Variants in KCNJ3 observed in about 807,000 individuals in gnomAD.
KCNJ3 encodes G protein-activated inward rectifier potassium channel 1.
Under a neutral mutation model 39.2 loss-of-function variants are expected in KCNJ3, and 4 were observed. The observed-to-expected ratio is 0.10, with a 90% CI of 0.05 to 0.23. KCNJ3 has a LOEUF of 0.23. Ranked by LOEUF, KCNJ3 falls within the 10% of genes least tolerant of loss-of-function variation. KCNJ3 has a pLI of 1.00. For synonymous variants in KCNJ3, 230 were observed against 237.4 expected (o/e 0.97, Z 0.29); for missense variants, 276 against 634.9 (o/e 0.43, Z 6.08).
At chr2:154,712,928 G>T (rs1050963426) in intron 2 of KCNJ3, among the ~76,000 whole-genome samples, 2 of 152,084 alleles carry the variant, frequency 1.3e-5, no homozygotes, top group Non-Finnish European at 2.9e-5. Context: ...GGTCCAGTCT[G>T]GGGGAAGAGC....
At chr2:154,719,636 C>T (rs1416962979) in intron 2 of KCNJ3, among the ~76,000 whole-genome samples, 1 of 152,056 alleles carries the variant, frequency 6.6e-6, no homozygotes, top group African/African-American at 2.4e-5. Flanking sequence ...ACACCATGTG[C>T]TATTATTTAC....
At chr2:154,836,050 A>G (rs1293882460) in intron 2 of KCNJ3, among the ~76,000 whole-genome samples, 1 of 152,022 alleles carries the variant, frequency 6.6e-6, no homozygotes, top group Non-Finnish European at 1.5e-5. Flanking sequence ...GTCTTACTAA[A>G]AATACAAAAA....
At chr2:154,793,584 A>G (rs951095761) in intron 2 of KCNJ3, among the ~76,000 whole-genome samples, 1 of 152,040 alleles carries the variant, frequency 6.6e-6, no homozygotes, top group Non-Finnish European at 1.5e-5. Context: ...AATATTCCTT[A>G]TCAAATTAAA....
chr2:154,788,532 T>G (rs973183064), intron 2 of KCNJ3, among the ~76,000 whole-genome samples: 2 of 152,150 alleles, frequency 1.3e-5, no homozygotes, highest in Non-Finnish European at 2.9e-5. Flanking sequence ...CTTATCATTT[T>G]TTCTCATATT....
chr2:154,780,268 C>T (rs1686413865), intron 2 of KCNJ3, among the ~76,000 whole-genome samples: 1 of 152,168 alleles, frequency 6.6e-6, no homozygotes, highest in African/African-American at 2.4e-5. Flanking sequence ...TGTGTACATG[C>T]ACACTCTCGC....
intron 1 of KCNJ3, chr2:154,709,316 G>A (rs930272707): frequency 2.3e-6 from 1 of 440,986 alleles, no homozygotes. Flanking sequence ...CAGTTCCACA[G>A]TTTGTGCTAA....
chr2:154,855,257 A>G lies in KCNJ3; in HGVS notation c.1450A>G (p.Met484Val), dbSNP rs765512735. 2 of 1,613,574 alleles carry G rather than the reference A, an allele frequency of 1.2e-6. No homozygotes were observed. Among genetic ancestry groups the G allele is most frequent in the Non-Finnish European group, 1.7e-6 (2 of 1,179,864 alleles). The part of the protein sequence containing the change: ...LQKMAGGAAR[M>V]EGNLPAKLRK... ...AAAGATGGCTGGAGGAGCAGCTAGG[A>G]TGGAAGGGAACCTTCCAGCCAAATT... The change falls in exon 3 of 3, where the codon ATG becomes GTG. Residue 484 changes from methionine (M) to valine (V), a missense_variant. By Grantham distance (21) the Met-to-Val change is conservative. Transcript: ENST00000295101.
intron 2 of KCNJ3, among the ~76,000 whole-genome samples, chr2:154,720,075 A>T (rs1458221855): frequency 6.6e-6 from 1 of 152,108 alleles, no homozygotes; most frequent in Non-Finnish European, 1.5e-5. Context: ...ATACATGTTC[A>T]ATGAGATAAA....
intron 2 of KCNJ3, among the ~76,000 whole-genome samples, chr2:154,824,957 G>C (rs1687243643): frequency 6.6e-6 from 1 of 152,168 alleles, no homozygotes; most frequent in African/African-American, 2.4e-5. Flanking sequence ...AATATTATGT[G>C]GATGATTTGG....
chr2:154,770,892 C>CTTTTTTTTTTTTT (rs35293315), intron 2 of KCNJ3, among the ~76,000 whole-genome samples: 3 of 127,684 alleles, frequency 2.3e-5, no homozygotes, highest in African/African-American at 5.8e-5. Context: ...TTTTCTTTTT[C>CTTTTTTTTTTTTT]TTTTTTTTTT....
intron 2 of KCNJ3, among the ~76,000 whole-genome samples, chr2:154,818,908 C>CTGCAAAAG (rs1485283471): frequency 1.3e-4 from 16 of 126,860 alleles, no homozygotes; most frequent in African/African-American, 4.1e-4. Context: ...TGAGCTGTAG[C>CTGCAAAAG]TGCAAAAGCC....
intron 2 of KCNJ3, among the ~76,000 whole-genome samples, chr2:154,798,306 A>G (rs1464869568): frequency 6.6e-6 from 1 of 152,082 alleles, no homozygotes; most frequent in Non-Finnish European, 1.5e-5. Flanking sequence ...AAAGATTCCT[A>G]GACTAAACGT....
At chr2:154,813,781 C>A (rs916995039) in intron 2 of KCNJ3, among the ~76,000 whole-genome samples, 3 of 152,162 alleles carry the variant, frequency 2.0e-5, no homozygotes, top group African/African-American at 7.2e-5. Flanking sequence ...CCTAAGGATA[C>A]AATGTTAACA....
intron 2 of KCNJ3, among the ~76,000 whole-genome samples, chr2:154,740,648 C>T (rs1685637516): frequency 6.6e-6 from 1 of 151,920 alleles, no homozygotes; most frequent in Admixed American, 6.6e-5. Context: ...TAGGCTTTTG[C>T]TTTTAAAGAG....
chr2:154,776,028 T>C (rs1686327706), intron 2 of KCNJ3, among the ~76,000 whole-genome samples: 1 of 148,608 alleles, frequency 6.7e-6, no homozygotes, highest in South Asian at 2.1e-4. Flanking sequence ...TGAGATGGAA[T>C]TTCGCTCTTG....
At chr2:154,820,642 G>C (rs1687157215) in intron 2 of KCNJ3, among the ~76,000 whole-genome samples, 1 of 152,156 alleles carries the variant, frequency 6.6e-6, no homozygotes. Flanking sequence ...GTCTTCTAGT[G>C]AACAGTTTGC....
chr2:154,740,374 T>G (rs1279659453), intron 2 of KCNJ3, among the ~76,000 whole-genome samples: 2 of 152,076 alleles, frequency 1.3e-5, no homozygotes, highest in African/African-American at 4.8e-5. Flanking sequence ...GACCAGTATG[T>G]TCATTTCTGT....
chr2:154,751,423 A>G (rs949094329), intron 2 of KCNJ3, among the ~76,000 whole-genome samples: 4 of 152,002 alleles, frequency 2.6e-5, no homozygotes, highest in African/African-American at 7.2e-5. Flanking sequence ...TTTGCCAAGT[A>G]TGTGACATTT....
At chr2:154,772,161 A>G (rs1009363778) in intron 2 of KCNJ3, among the ~76,000 whole-genome samples, 2 of 152,178 alleles carry the variant, frequency 1.3e-5, no homozygotes, top group African/African-American at 4.8e-5. Flanking sequence ...ATTGACACAA[A>G]CTAATAATTT....
Sources: gnomAD v4.1 joint callset for allele counts (sites outside exome capture counted in the v4.1 genomes callset) on GRCh38, gnomAD v4.1.1 for gene constraint, MANE v1.5 for transcripts, NCBI Gene and HGNC (gene_info 2026-07-23, HGNC 2026-07-21) for gene names.